STAU1: variants seen among roughly 807,000 people sequenced by gnomAD.
The protein encoded by STAU1 is double-stranded RNA-binding protein Staufen homolog 1.
Under a neutral mutation model 62.9 loss-of-function variants are expected in STAU1, and 13 were observed. The observed-to-expected ratio is 0.21, with a 90% CI of 0.13 to 0.33. The LOEUF (loss-of-function observed/expected upper bound fraction) is 0.33, where lower values mean the gene tolerates loss of function less well. STAU1 is among the 10% of genes least tolerant of loss of function. The pLI, the probability that STAU1 is intolerant of heterozygous loss-of-function variation, is 1.00. For missense variants in STAU1, 571 were observed against 712.1 expected (o/e 0.80, Z 2.25); for synonymous variants, 269 against 265.1 (o/e 1.01, Z -0.14).
intron 3 of STAU1, chr20:49,158,447 G>T: frequency 7.7e-7 from 1 of 1,304,748 alleles, no homozygotes; most frequent in Non-Finnish European, 1.0e-6. Context: ...CTTCATAGCT[G>T]ATTTTTCTTG....
chr20:49,206,241 G>A, the STAU1 span, among the ~76,000 whole-genome samples: 20 of 145,974 alleles, frequency 1.4e-4, no homozygotes, highest in Admixed American at 1.0e-3. Flanking sequence ...TGATCCACCC[G>A]CCTTGGCCTC....
rs946236303 is a variant in STAU1 at position 49,124,448 on chromosome 20, T to C, written c.749A>G (p.Lys250Arg). ...NAAIAVLEEL[K>R]KLPPLPAVER... ...AACTGCAGGCAGGGGCGGTAACTTC[T>C]TCAGCTCCTCAAGAACAGCTATGGC... The change falls in exon 7 of 14, where the codon AAG becomes AGG. Residue 250 changes from lysine (K) to arginine (R), a missense_variant. Transcript: ENST00000371856. 3 of 1,614,102 alleles carry C rather than the reference T, an allele frequency of 1.9e-6. No homozygotes were observed. The African/African-American group carries it at 4.0e-5, about 22-fold the overall frequency.
chr20:49,189,044 A>G (rs530346852), upstream of STAU1, among the ~76,000 whole-genome samples: 300 of 151,516 alleles, frequency 2.0e-3, 1 homozygote, highest in African/African-American at 6.9e-3. Context: ...TACTGAAAAT[A>G]CAAAAAATTA....
intron 4 of STAU1, among the ~76,000 whole-genome samples, chr20:49,153,475 G>A (rs1192927565): frequency 6.6e-6 from 1 of 150,664 alleles, no homozygotes; most frequent in Non-Finnish European, 1.5e-5. Context: ...GGAGGCCAAG[G>A]TGGGCAGATC....
chr20:49,215,816 G>A, the STAU1 span, among the ~76,000 whole-genome samples: 3 of 151,794 alleles, frequency 2.0e-5, no homozygotes, highest in Non-Finnish European at 4.4e-5. Context: ...AGACCAGACT[G>A]GCCAACATGG....
intron 9 of STAU1, among the ~76,000 whole-genome samples, chr20:49,118,669 G>A (rs2092390015): frequency 6.6e-6 from 1 of 152,094 alleles, no homozygotes; most frequent in African/African-American, 2.4e-5. Context: ...ATGCTGAGCT[G>A]CACTCTGCAC....
rs146674379 is a variant in STAU1 at position 49,118,181 on chromosome 20, TC to T, written c.1190-86del. On this transcript the variant is annotated intron_variant, in intron 10 of 13. Coordinates refer to ENST00000371856, the MANE Select transcript of STAU1 (RefSeq NM_017453.4). Reference sequence around the variant, plus strand: ...ACACCATCAAACCCCACGCTGGCCCTCCCCTTGGCACGCATGGCAGCGCAGG... The same window carrying T: ...ACACCATCAAACCCCACGCTGGCCCTCCCTTGGCACGCATGGCAGCGCAGG... The T allele has an allele frequency of 1.4e-3, 2,054 of 1,445,580 alleles. 21 individuals carry two copies. The African/African-American group carries it at 0.025, about 18-fold the overall frequency. 89.5% of individuals were successfully genotyped at this position (1,445,580 alleles called of 1,614,324 possible). A position where few individuals can be genotyped will look rare whatever the true frequency, so the allele number is the denominator to read the frequency against.
At chr20:49,186,586 G>A (rs949791780) in intron 1 of STAU1, among the ~76,000 whole-genome samples, 4 of 151,950 alleles carry the variant, frequency 2.6e-5, no homozygotes, top group African/African-American at 7.3e-5. Flanking sequence ...ACACCCATAA[G>A]TTGCATTTCC....
chr20:49,212,327 T>C, the STAU1 span, among the ~76,000 whole-genome samples: 4 of 152,158 alleles, frequency 2.6e-5, no homozygotes, highest in East Asian at 1.9e-4. Flanking sequence ...CTTGTATATC[T>C]TCTTTGGAGA....
chr20:49,171,705 T>G (rs2093599658), intron 2 of STAU1, among the ~76,000 whole-genome samples: 2 of 151,932 alleles, frequency 1.3e-5, no homozygotes. Flanking sequence ...CCCCCCAAAA[T>G]AGTAATTCAT....
intron 1 of STAU1, among the ~76,000 whole-genome samples, chr20:49,178,558 G>A (rs2093686510): frequency 6.6e-6 from 1 of 151,966 alleles, no homozygotes; most frequent in South Asian, 2.1e-4. Flanking sequence ...AGATCAGCCT[G>A]GCTAACATGG....
chr20:49,175,382 A>C (rs1055382380), intron 1 of STAU1, among the ~76,000 whole-genome samples: 1 of 151,776 alleles, frequency 6.6e-6, no homozygotes, highest in Non-Finnish European at 1.5e-5. Flanking sequence ...AATATTTTGC[A>C]GAGACACATT....
At chr20:49,163,726 G>A (rs113411373) in intron 3 of STAU1, among the ~76,000 whole-genome samples, 1,796 of 152,094 alleles carry the variant, frequency 0.012, 42 homozygotes, top group African/African-American at 0.04. Flanking sequence ...CAACCGGCAA[G>A]GTACCTTTAG....
At chr20:49,212,252 G>A in the STAU1 span, among the ~76,000 whole-genome samples, 1,573 of 152,310 alleles carry the variant, frequency 0.01, 16 homozygotes, top group African/African-American at 0.028. Context: ...GCCTCCCAAA[G>A]TTATGGGATT....
At chr20:49,148,794 G>A (rs1345447958) in intron 5 of STAU1, among the ~76,000 whole-genome samples, 1 of 152,216 alleles carries the variant, frequency 6.6e-6, no homozygotes, top group Non-Finnish European at 1.5e-5. Flanking sequence ...GTGAGTGAAG[G>A]CGGGAGACTC....
At chr20:49,146,247 CAG>C (rs1355580283) in intron 5 of STAU1, among the ~76,000 whole-genome samples, 1 of 152,158 alleles carries the variant, frequency 6.6e-6, no homozygotes, top group African/African-American at 2.4e-5. Flanking sequence ...GCCTGAGTGA[CAG>C]AGTGAGACAC....
At chr20:49,126,577 A>AAAAAAAAAAACC (rs2092621842) in intron 6 of STAU1, among the ~76,000 whole-genome samples, 3 of 35,042 alleles carry the variant, frequency 8.6e-5, no homozygotes, top group Admixed American at 2.6e-4. Context: ...CAAAAAGCAA[A>AAAAAAAAAAACC]AAAAAAAAAA....
At chr20:49,135,978 T>C in intron 5 of STAU1, 47 bp from the exon 6 acceptor site, 1 of 1,457,188 alleles carries the variant, frequency 6.9e-7, no homozygotes, top group Non-Finnish European at 9.5e-7. Context: ...AAATAGTCAA[T>C]GGCCAGGTGA....
intron 5 of STAU1, among the ~76,000 whole-genome samples, chr20:49,146,124 G>A (rs1238918716): frequency 6.6e-6 from 1 of 152,016 alleles, no homozygotes; most frequent in African/African-American, 2.4e-5. Context: ...ACAAAAATTA[G>A]GTGTGGTGGC....
Sources: allele counts gnomAD v4.1 joint callset (sites outside exome capture counted in the v4.1 genomes callset), GRCh38; gene constraint gnomAD v4.1.1; transcripts MANE v1.5; gene names NCBI Gene and HGNC (gene_info 2026-07-23, HGNC 2026-07-21).